Variants in HEG1 observed in about 807,000 individuals in gnomAD.
HEG1 encodes the protein heart development protein with EGF like domains 1, also known as protein HEG homolog 1.
A neutral mutation model predicts 125.6 loss-of-function variants in HEG1; 56 were observed. That is an observed-to-expected ratio of 0.45 (90% CI 0.36 to 0.56). The LOEUF (loss-of-function observed/expected upper bound fraction) is 0.56, where lower values mean the gene tolerates loss of function less well. HEG1 is among the 20% of genes least tolerant of loss of function. HEG1 has a pLI of 0.00. For synonymous variants in HEG1, 644 were observed against 668.5 expected, an observed-to-expected ratio of 0.96 and a Z score of 0.57; for missense variants, 1,523 against 1,670.0, an observed-to-expected ratio of 0.91 and a Z score of 1.53.
Position 124,970,624 on chromosome 3 carries a change from G to T in HEG1, c.*28C>A. 1 of 1,576,942 alleles carries T rather than the reference G, an allele frequency of 6.3e-7. No individual in the cohort carries two copies. Among genetic ancestry groups the T allele is most frequent in the South Asian group, 1.2e-5 (1 of 85,812 alleles). On this transcript the variant is annotated 3_prime_UTR_variant, in exon 17 of 17. Transcript: ENST00000311127. ...GCAGAGGTCCCAGGTGACTGGCTCA[G>T]AGCAATGAGTCCCTCTCTCTCCTGG...
intron 3 of HEG1, among the ~76,000 whole-genome samples, chr3:125,024,451 T>C (rs966685547): frequency 7.9e-5 from 12 of 152,156 alleles, no homozygotes. Context: ...AAAAGGGAGC[T>C]TTTTTCCCTG....
intron 3 of HEG1, among the ~76,000 whole-genome samples, chr3:125,023,225 AAAAC>A (rs1167658937): frequency 1.7e-5 from 2 of 118,750 alleles, no homozygotes; most frequent in African/African-American, 5.7e-5. Context: ...AAAACAAAAC[AAAAC>A]AAACAAACCA....
chr3:125,013,825 G>A lies in HEG1; in HGVS notation c.1754C>T (p.Thr585Ile), dbSNP rs750410809. The part of the protein sequence containing the change: ...SSSSDIVESS[T>I]SYIKISNSSH... ...AGAGTTTGAGATTTTAATATAAGAA[G>A]TTGAGCTCTCCACAATGTCTGAGGA... The change falls in exon 6 of 17, where the codon ACT (threonine) becomes ATT (isoleucine). Residue 585 changes from threonine to isoleucine, a missense_variant. Physicochemically the swap from Thr to Ile is moderately conservative, Grantham distance 89. Transcript: ENST00000311127. 121 of 1,613,912 alleles carry A rather than the reference G, an allele frequency of 7.5e-5. No individual in the cohort carries two copies. The highest frequency in any genetic ancestry group is 9.3e-5 in the Non-Finnish European group (110 of 1,179,866).
rs1936398444 is a variant in HEG1, at chr3:124,970,019, C to T, written c.*633G>A. ...TTGCAGTTGTGTGCGGTGCCTCACA[C>T]ATTTCCTCACTGTGGGGGCTGGCTT... On this transcript the variant is annotated 3_prime_UTR_variant, in exon 17 of 17. Coordinates refer to ENST00000311127, the MANE Select transcript of HEG1 (RefSeq NM_020733.2). 6.6e-6 allele frequency: 1 copy of T among 152,268 alleles called. No individual in the cohort carries two copies. Among genetic ancestry groups the T allele is most frequent in the African/African-American group, 2.4e-5 (1 of 41,450 alleles). 9.4% of individuals were successfully genotyped at this position (152,268 alleles called of 1,614,324 possible).
intron 1 of HEG1, among the ~76,000 whole-genome samples, chr3:125,029,903 A>T (rs1458787796): frequency 2.0e-5 from 3 of 152,234 alleles, no homozygotes; most frequent in Non-Finnish European, 4.4e-5. Flanking sequence ...AAAAAATAAT[A>T]ACTTCACCTT....
chr3:125,019,096 C>T (rs895306241), intron 5 of HEG1, among the ~76,000 whole-genome samples, 166 bp downstream of exon 5: 2 of 152,030 alleles, frequency 1.3e-5, no homozygotes, highest in Non-Finnish European at 2.9e-5. Flanking sequence ...TTGAACCCCT[C>T]ACCTCAGATG....
intron 7 of HEG1, 110 bp downstream of exon 7, chr3:125,010,329 G>A: frequency 1.6e-6 from 1 of 635,644 alleles, no homozygotes; most frequent in Admixed American, 2.8e-5. Flanking sequence ...AGTAAGCAGG[G>A]TATTAACTAA....
intron 3 of HEG1, among the ~76,000 whole-genome samples, chr3:125,022,642 A>G (rs1258620482): frequency 6.6e-6 from 1 of 151,992 alleles, no homozygotes. Context: ...ACTTAAAAAC[A>G]TAAACCAAAC....
At chr3:125,007,575 T>C (rs1345582588) in intron 8 of HEG1, among the ~76,000 whole-genome samples, 1 of 152,232 alleles carries the variant, frequency 6.6e-6, no homozygotes. Context: ...AGTTAAATGG[T>C]ACCTCCCATC....
intron 5 of HEG1, among the ~76,000 whole-genome samples, chr3:125,015,306 G>A (rs951142989): frequency 6.6e-6 from 1 of 152,230 alleles, no homozygotes; most frequent in Admixed American, 6.5e-5. Context: ...TAGAGTTTAT[G>A]TCAGAGAAAT....
rs931025989 is a variant in HEG1, at chr3:125,042,496, G to T, written c.317-13008C>A. Among the ~76,000 whole-genome samples the T allele has an allele frequency of 2.6e-5, 4 of 152,208 alleles. No individual in the cohort carries two copies. In the South Asian group the frequency reaches 6.2e-4, roughly 24 times the overall value. Reference sequence around the variant, plus strand: ...CAACCATAAGCAAGACACTGTGAGGGTTACACGGATGAATCAGGTATAGAA... The same window carrying T: ...CAACCATAAGCAAGACACTGTGAGGTTTACACGGATGAATCAGGTATAGAA... On this transcript the variant is annotated intron_variant, in intron 1 of 16. Coordinates refer to ENST00000311127, the MANE Select transcript of HEG1 (RefSeq NM_020733.2).
intron 1 of HEG1, among the ~76,000 whole-genome samples, chr3:125,039,421 T>C (rs1937574347): frequency 6.6e-6 from 1 of 152,066 alleles, no homozygotes; most frequent in South Asian, 2.1e-4. Context: ...GTGTGCTGTC[T>C]TATCCAAAGA....
intron 5 of HEG1, among the ~76,000 whole-genome samples, chr3:125,016,952 T>C (rs1937257804): frequency 6.6e-6 from 1 of 152,194 alleles, no homozygotes; most frequent in African/African-American, 2.4e-5. Flanking sequence ...AAAACTTTTG[T>C]GCTACAAATG....
chr3:125,047,111 C>T (rs1937683887), intron 1 of HEG1, among the ~76,000 whole-genome samples: 1 of 152,200 alleles, frequency 6.6e-6, no homozygotes, highest in Non-Finnish European at 1.5e-5. Flanking sequence ...CTAGGGATAC[C>T]AAGGGGTGAG....
intron 5 of HEG1, chr3:125,015,060 G>A (rs996475113): frequency 3.1e-5 from 36 of 1,177,974 alleles, no homozygotes; most frequent in African/African-American, 3.0e-4. Context: ...GGGCTGGAGC[G>A]ACAGGATCGT....
chr3:124,998,519 C>A (rs1282295687), intron 11 of HEG1, among the ~76,000 whole-genome samples: 1 of 152,206 alleles, frequency 6.6e-6, no homozygotes, highest in African/African-American at 2.4e-5. Flanking sequence ...CAGTGCCTGG[C>A]ACAGGGACTG....
At chr3:125,051,569 A>G (rs2333036) in intron 1 of HEG1, among the ~76,000 whole-genome samples, 87,944 of 152,170 alleles carry the variant, frequency 0.58, 25,707 homozygotes, top group South Asian at 0.77. Context: ...TGTTTTGAGG[A>G]TTAAATGGAT....
At chr3:125,014,672 C>T in intron 5 of HEG1, 1 of 1,207,288 alleles carries the variant, frequency 8.3e-7, no homozygotes. Flanking sequence ...AATAGATGAG[C>T]TGAAGGGATG....
chr3:125,012,758 A>C lies in HEG1; in HGVS notation c.2821T>G (p.Ser941Ala), dbSNP rs775833031. The C allele has an allele frequency of 1.9e-6, 3 of 1,614,042 alleles. No individual in the cohort carries two copies. The highest frequency in any genetic ancestry group is 2.5e-6 in the Non-Finnish European group (3 of 1,179,890). Residue 941 changes from serine (S) to alanine (A), a missense_variant, in exon 6 of 17, where the codon TCA (serine) becomes GCA (alanine). By Grantham distance (99) the Ser-to-Ala change is moderately conservative. Coordinates refer to ENST00000311127, the MANE Select transcript of HEG1 (RefSeq NM_020733.2). Reference protein sequence around the residue: ...LGVTAEYSPASRSLGTSPSPQ... With the variant: ...LGVTAEYSPAARSLGTSPSPQ... ...GAAGGAGATGTTCCGAGGGAACGTG[A>C]AGCTGGGCTGTACTCTGCTGTAACG... is the stretch of plus-strand genomic sequence containing the variant.
Sources: allele counts gnomAD v4.1 joint callset (sites outside exome capture counted in the v4.1 genomes callset), GRCh38; gene constraint gnomAD v4.1.1; transcripts MANE v1.5; gene names NCBI Gene and HGNC (gene_info 2026-07-23, HGNC 2026-07-21).